The following PDZD2 variants were observed in gnomAD, a reference collection of about 807,000 sequenced individuals.
PDZD2 encodes the protein PDZ domain containing 2.
A neutral mutation model predicts 220.7 loss-of-function variants in PDZD2; 90 were observed. That is an observed-to-expected ratio of 0.41 (90% CI 0.34 to 0.49). The LOEUF (loss-of-function observed/expected upper bound fraction) is 0.49, where lower values mean the gene tolerates loss of function less well. Among genes scored for constraint, PDZD2 ranks in the 20% least tolerant of loss-of-function variants. The probability of loss-of-function intolerance (pLI) is 0.28; values close to 1 mark genes in which losing one functional copy is unlikely to be tolerated. For missense variants in PDZD2, 3,174 were observed against 3,608.5 expected (o/e 0.88, Z 3.08); for synonymous variants, 1,375 against 1,450.5 (o/e 0.95, Z 1.18).
intron 21 of PDZD2, 22 bp downstream of exon 21, chr5:32,093,046 C>A: frequency 1.6e-6 from 2 of 1,274,936 alleles, no homozygotes; most frequent in African/African-American, 1.5e-5. Context: ...ACAGAAAGCT[C>A]AGGAACATGA....
intron 1 of PDZD2, among the ~76,000 whole-genome samples, chr5:31,740,556 A>AAAAAAAAAAAAAAAC (rs1750194056): frequency 7.1e-6 from 1 of 140,764 alleles, no homozygotes; most frequent in Non-Finnish European, 1.5e-5. Context: ...AAAAAAAAAA[A>AAAAAAAAAAAAAAAC]AATCTGCTGT....
intron 20 of PDZD2, among the ~76,000 whole-genome samples, chr5:32,092,464 C>T (rs1289505536): frequency 2.1e-5 from 3 of 145,760 alleles, no homozygotes; most frequent in African/African-American, 5.1e-5. Flanking sequence ...CCCAACTACT[C>T]GGGAGGCTGA....
At chr5:32,028,047 C>CT (rs751853827) in intron 6 of PDZD2, among the ~76,000 whole-genome samples, 30 of 151,196 alleles carry the variant, frequency 2.0e-4, no homozygotes, top group Middle Eastern at 3.4e-3. Flanking sequence ...CAGATTTTTT[C>CT]TTTTTTTTTC....
chr5:31,816,274 C>T (rs1022906706), intron 2 of PDZD2, among the ~76,000 whole-genome samples: 10 of 99,974 alleles, frequency 1.0e-4, no homozygotes, highest in Non-Finnish European at 2.1e-4. Flanking sequence ...GGCGACAGAG[C>T]GAGACTCCAT....
chr5:31,826,411 G>A (rs575216432), intron 2 of PDZD2, among the ~76,000 whole-genome samples: 2 of 152,256 alleles, frequency 1.3e-5, no homozygotes, highest in East Asian at 1.9e-4. Flanking sequence ...GGTGGTTCAT[G>A]TCTGTAATCT....
intron 4 of PDZD2, among the ~76,000 whole-genome samples, chr5:31,996,388 G>T (rs1326492803): frequency 6.6e-6 from 1 of 152,152 alleles, no homozygotes; most frequent in East Asian, 1.9e-4. Context: ...GACCAGCCTG[G>T]GCAACATGGT....
chr5:31,988,127 A>G (rs549371728), intron 3 of PDZD2, among the ~76,000 whole-genome samples: 4 of 152,154 alleles, frequency 2.6e-5, no homozygotes, highest in Non-Finnish European at 4.4e-5. Flanking sequence ...TAAACAGCAC[A>G]TCTCATTACT....
chr5:31,689,783 ATGT>A (rs1402060598), intron 1 of PDZD2, among the ~76,000 whole-genome samples: 2 of 152,158 alleles, frequency 1.3e-5, no homozygotes, highest in African/African-American at 4.8e-5. Flanking sequence ...GAAGGTTATG[ATGT>A]TCTCCTTGTG....
intron 1 of PDZD2, among the ~76,000 whole-genome samples, chr5:31,777,844 C>G (rs1316965468): frequency 7.0e-6 from 1 of 143,076 alleles, no homozygotes; most frequent in Non-Finnish European, 1.5e-5. Flanking sequence ...ACTTGGAGAA[C>G]TTTTATGTCT....
chr5:31,815,072 A>G (rs1228105921), intron 2 of PDZD2, among the ~76,000 whole-genome samples: 5 of 151,654 alleles, frequency 3.3e-5, no homozygotes, highest in Non-Finnish European at 5.9e-5. Context: ...ATGAAACCCC[A>G]TCTCTACTAA....
At chr5:31,854,565 G>A (rs992692040) in intron 2 of PDZD2, among the ~76,000 whole-genome samples, 1 of 152,174 alleles carries the variant, frequency 6.6e-6, no homozygotes, top group African/African-American at 2.4e-5. Context: ...GAAACGGAGT[G>A]GTCATGAAGT....
chr5:31,870,240 T>A (rs74914061), intron 2 of PDZD2, among the ~76,000 whole-genome samples: 3 of 152,136 alleles, frequency 2.0e-5, no homozygotes, highest in African/African-American at 7.2e-5. Context: ...ATAAGTTATA[T>A]AGCTTACCAC....
chr5:31,773,104 C>T (rs1580725945), intron 1 of PDZD2, among the ~76,000 whole-genome samples: 1 of 152,090 alleles, frequency 6.6e-6, no homozygotes, highest in African/African-American at 2.4e-5. Context: ...CAACATTCAC[C>T]CGACAGTCAA....
intron 1 of PDZD2, among the ~76,000 whole-genome samples, chr5:31,793,614 C>T (rs1354899809): frequency 6.6e-6 from 1 of 152,186 alleles, no homozygotes; most frequent in Non-Finnish European, 1.5e-5. Flanking sequence ...CGAGACCAGC[C>T]TGGCCAACAT....
intron 2 of PDZD2, among the ~76,000 whole-genome samples, chr5:31,851,942 C>T (rs1486563228): frequency 2.0e-5 from 3 of 150,480 alleles, no homozygotes; most frequent in Admixed American, 6.6e-5. Flanking sequence ...CTGCAACCTC[C>T]GCCTCCTGGG....
At chr5:32,059,526 A>T (rs963513407) in intron 13 of PDZD2, among the ~76,000 whole-genome samples, 170 bp downstream of exon 13, 12 of 152,366 alleles carry the variant, frequency 7.9e-5, no homozygotes, top group South Asian at 2.1e-4. Context: ...GTAAATGTTA[A>T]TATAAATGAA....
At chr5:31,667,383 A>G (rs1199300814) in intron 1 of PDZD2, among the ~76,000 whole-genome samples, 3 of 152,108 alleles carry the variant, frequency 2.0e-5, no homozygotes, top group Admixed American at 1.3e-4. Flanking sequence ...GAGGACAGAC[A>G]CGAAACAGAA....
At chr5:31,805,053 G>A (rs1429412514) in intron 2 of PDZD2, among the ~76,000 whole-genome samples, 1 of 152,172 alleles carries the variant, frequency 6.6e-6, no homozygotes. Flanking sequence ...AAATTAGCCA[G>A]GTGTGGTGAT....
chr5:32,062,550 C>T (rs1292923113), intron 14 of PDZD2, among the ~76,000 whole-genome samples: 1 of 152,044 alleles, frequency 6.6e-6, no homozygotes, highest in Non-Finnish European at 1.5e-5. Flanking sequence ...CGTGCCAATA[C>T]ACCTGGCTAA....
Sources: gnomAD v4.1 joint callset for allele counts (sites outside exome capture counted in the v4.1 genomes callset) on GRCh38, gnomAD v4.1.1 for gene constraint, MANE v1.5 for transcripts, NCBI Gene and HGNC (gene_info 2026-07-23, HGNC 2026-07-21) for gene names.